The following TACR3 variants were observed in gnomAD, a reference collection of about 807,000 sequenced individuals.
The protein encoded by TACR3 is tachykinin receptor 3.
A neutral mutation model predicts 35.0 loss-of-function variants in TACR3; 34 were observed. That is an observed-to-expected ratio of 0.97 (90% CI 0.74 to 1.30). The LOEUF (loss-of-function observed/expected upper bound fraction) is 1.30, where lower values mean the gene tolerates loss of function less well. Ranked by LOEUF, TACR3 falls within the 50% of genes most tolerant of loss-of-function variation. The pLI, the probability that TACR3 is intolerant of heterozygous loss-of-function variation, is 0.00. For synonymous variants in TACR3, 233 were observed against 221.1 expected (o/e 1.05, Z -0.48); for missense variants, 558 against 591.7 (o/e 0.94, Z 0.59).
At chr4:103,661,241 A>G (rs1266420200) in intron 1 of TACR3, among the ~76,000 whole-genome samples, 1 of 152,096 alleles carries the variant, frequency 6.6e-6, no homozygotes, top group Non-Finnish European at 1.5e-5. Flanking sequence ...GCCATTTTGC[A>G]TTTTTGAATC....
chr4:103,653,763 C>T (rs1217945126), intron 3 of TACR3, among the ~76,000 whole-genome samples: 3 of 151,826 alleles, frequency 2.0e-5, no homozygotes, highest in Admixed American at 1.3e-4. Context: ...AACAGGCAAC[C>T]CACAAAATGG....
rs1405049005 is a variant in TACR3 at position 103,614,896 on chromosome 4, T to G, written c.889-23213A>C. Among the ~76,000 whole-genome samples the G allele has an allele frequency of 2.3e-4, 28 of 123,318 alleles. 1 individual carries two copies. The highest frequency in any genetic ancestry group is 6.7e-4 in the African/African-American group (22 of 32,870). The allele number at this position is 123,318 out of a possible 152,430, so 80.9% of individuals were successfully genotyped here. A position where few individuals can be genotyped will look rare whatever the true frequency, so the allele number is the denominator to read the frequency against. On this transcript the variant is annotated intron_variant, in intron 3 of 4. Coordinates refer to ENST00000304883, the MANE Select transcript of TACR3 (RefSeq NM_001059.3). ...TGATTATGAATGTGTTTTTTTTTTTTTTTTTTTTTTTTTTTTGAGACAGAG... is the reference window on the plus strand; with the variant it reads ...TGATTATGAATGTGTTTTTTTTTTTGTTTTTTTTTTTTTTTTGAGACAGAG...
At chr4:103,607,904 C>T (rs1269911146) in intron 3 of TACR3, among the ~76,000 whole-genome samples, 1 of 152,026 alleles carries the variant, frequency 6.6e-6, no homozygotes, top group African/African-American at 2.4e-5. Flanking sequence ...GGAGGGATTG[C>T]CAGTCCTGTA....
intron 3 of TACR3, among the ~76,000 whole-genome samples, chr4:103,645,664 A>G (rs1725441341): frequency 6.6e-6 from 1 of 152,022 alleles, no homozygotes; most frequent in African/African-American, 2.4e-5. Context: ...TCAGGAAATG[A>G]GTTCTGCACC....
At chr4:103,710,373 G>A (rs7672658) in intron 1 of TACR3, among the ~76,000 whole-genome samples, 52,108 of 151,938 alleles carry the variant, frequency 0.34, 14,222 homozygotes, top group African/African-American at 0.76. Context: ...CTGCTCAAGT[G>A]CATGGAAACT....
At chr4:103,680,857 T>C (rs747270807) in intron 1 of TACR3, among the ~76,000 whole-genome samples, 28 of 151,898 alleles carry the variant, frequency 1.8e-4, no homozygotes, top group Non-Finnish European at 3.5e-4. Context: ...AATTGAACAT[T>C]ATTTTGATAG....
chr4:103,627,815 C>A (rs993389182), intron 3 of TACR3, among the ~76,000 whole-genome samples: 40 of 152,170 alleles, frequency 2.6e-4, no homozygotes, highest in African/African-American at 9.4e-4. Flanking sequence ...CTGCATAACT[C>A]TCCACCCCCA....
Position 103,589,632 on chromosome 4 carries a change from G to A in TACR3, c.*50C>T, listed in dbSNP as rs1214447415. The A allele has an allele frequency of 1.0e-5, 16 of 1,605,746 alleles. No homozygotes were observed. Among genetic ancestry groups the A allele is most frequent in the Non-Finnish European group, 1.4e-5 (16 of 1,173,288 alleles). On this transcript the variant is annotated 3_prime_UTR_variant, in exon 5 of 5. Transcript: ENST00000304883. ...TGGTAAATAGGAGAATGGGGTCCTA[G>A]ACTGGCACCATGATGGTCTCACACT...
At chr4:103,642,397 T>A (rs1394490461) in intron 3 of TACR3, among the ~76,000 whole-genome samples, 1 of 151,866 alleles carries the variant, frequency 6.6e-6, no homozygotes, top group Non-Finnish European at 1.5e-5. Flanking sequence ...CAAATTATTA[T>A]TATTTGTCTA....
intron 1 of TACR3, among the ~76,000 whole-genome samples, chr4:103,678,393 T>G (rs1726219782): frequency 6.6e-6 from 1 of 151,940 alleles, no homozygotes; most frequent in Non-Finnish European, 1.5e-5. Context: ...AATATCTATT[T>G]AGTTGTGCAA....
chr4:103,631,559 A>T (rs1725067719), intron 3 of TACR3, among the ~76,000 whole-genome samples: 1 of 152,170 alleles, frequency 6.6e-6, no homozygotes, highest in Non-Finnish European at 1.5e-5. Flanking sequence ...TCCTGAGGGA[A>T]TTAATATAGT....
At chr4:103,595,575 C>G (rs752597868) in intron 3 of TACR3, among the ~76,000 whole-genome samples, 45 of 151,964 alleles carry the variant, frequency 3.0e-4, no homozygotes, top group Non-Finnish European at 5.9e-4. Context: ...AACTGAAATG[C>G]CTACAGTTGT....
At chr4:103,681,985 A>G (rs1722101178) in intron 1 of TACR3, among the ~76,000 whole-genome samples, 1 of 151,790 alleles carries the variant, frequency 6.6e-6, no homozygotes, top group Non-Finnish European at 1.5e-5. Context: ...TACACAAAAC[A>G]CTCTTAAATA....
chr4:103,719,565 A>C lies in TACR3; in HGVS notation c.111T>G (p.Val37=), dbSNP rs1723166209. The C allele has an allele frequency of 1.2e-6, 2 of 1,609,892 alleles. No homozygotes were observed. The highest frequency in any genetic ancestry group is 2.7e-5 in the African/African-American group (2 of 74,954). Residue 37 remains valine, a synonymous_variant, in exon 1 of 5, where the codon GTT becomes GTG. Transcript: ENST00000304883. ...CCAGCAGTTGCAGCCACCCAGTCTC[A>C]ACTGCCCCCGTGGCCGCCCCGGCAG... ...SLAAGAATGA[V]ETGWLQLLDQ... is the part of the protein sequence containing the mutation.
chr4:103,599,990 C>T (rs1724154147), intron 3 of TACR3, among the ~76,000 whole-genome samples: 1 of 152,064 alleles, frequency 6.6e-6, no homozygotes, highest in Admixed American at 6.6e-5. Context: ...AGGGAGGATT[C>T]CCTCTTTTTC....
chr4:103,629,431 C>G (rs1218545377), intron 3 of TACR3, among the ~76,000 whole-genome samples: 1 of 152,104 alleles, frequency 6.6e-6, no homozygotes, highest in Non-Finnish European at 1.5e-5. Context: ...TGATAAGCAA[C>G]TTCAGCAAAG....
chr4:103,645,724 G>A (rs1454756977), intron 3 of TACR3, among the ~76,000 whole-genome samples: 1 of 151,904 alleles, frequency 6.6e-6, no homozygotes, highest in Non-Finnish European at 1.5e-5. Flanking sequence ...TAGGAGAAAA[G>A]GCAAATATCC....
At chr4:103,671,613 T>C (rs969640946) in intron 1 of TACR3, among the ~76,000 whole-genome samples, 2 of 152,074 alleles carry the variant, frequency 1.3e-5, no homozygotes, top group African/African-American at 4.8e-5. Context: ...TCCTTTAAAT[T>C]TTTGAGCTAT....
chr4:103,615,043 C>T (rs990721039), intron 3 of TACR3, among the ~76,000 whole-genome samples: 10 of 151,532 alleles, frequency 6.6e-5, no homozygotes, highest in Non-Finnish European at 8.8e-5. Context: ...TACAGGCGCC[C>T]GCCATCACGC....
Sources: gnomAD v4.1 joint callset for allele counts (sites outside exome capture counted in the v4.1 genomes callset) on GRCh38, gnomAD v4.1.1 for gene constraint, MANE v1.5 for transcripts, NCBI Gene and HGNC (gene_info 2026-07-23, HGNC 2026-07-21) for gene names.